The following SS18 variants were observed in gnomAD, a reference collection of about 807,000 sequenced individuals.
The protein encoded by SS18 is protein SSXT.
SS18 carries 28 observed loss-of-function variants against 72.5 expected under a neutral mutation model. The ratio of observed to expected loss-of-function variants is 0.39; its 90% confidence interval spans 0.29 to 0.53. The LOEUF (loss-of-function observed/expected upper bound fraction) is 0.53. SS18 is among the 20% of genes least tolerant of loss of function. SS18 has a pLI of 0.76. For synonymous variants in SS18, 172 were observed against 164.2 expected, an observed-to-expected ratio of 1.05 and a Z score of -0.37; for missense variants, 518 against 535.3, an observed-to-expected ratio of 0.97 and a Z score of 0.32.
intron 1 of SS18, 152 bp from the exon 2 acceptor site, chr18:26,087,729 A>G (rs2054641541): frequency 4.5e-6 from 2 of 444,428 alleles, no homozygotes. Flanking sequence ...CCTGCAAACA[A>G]TCATTACTAT....
chr18:26,035,748 TGG>T lies in SS18; in HGVS notation c.973+81_973+82del. 1 of 869,916 alleles carries T rather than the reference TGG, an allele frequency of 1.1e-6. No homozygotes were observed. The highest frequency in any genetic ancestry group is 1.7e-6 in the Non-Finnish European group (1 of 582,760). The allele number at this position is 869,916 out of a possible 1,614,324, so 53.9% of individuals were successfully genotyped here. The stretch of plus-strand genomic sequence containing the variant: ...ACTAGTATTCTACAAGAGCTTTGCA[TGG>T]GTAGAAGTTGTCTTATGCAAGAATT... On this transcript the variant is annotated intron_variant, in intron 8 of 10. Coordinates refer to ENST00000415083, the MANE Select transcript of SS18 (RefSeq NM_001007559.3). The surrounding 1 kb of genome is among the most constrained non-coding windows in gnomAD (Gnocchi z 4.4).
chr18:26,035,912 A>T lies in SS18; in HGVS notation c.892T>A (p.Tyr298Asn), dbSNP rs539197438. ...GGATACGACGGTTGCTGATAACCGT[A>T]ATCATTATGACCTACATCAATTCGA... ...QQYYPDGHND[Y>N]GYQQPSYPEQ... Residue 298 changes from tyrosine to asparagine, a missense_variant, in exon 8 of 11, where the codon TAC (tyrosine) becomes AAC (asparagine). Coordinates refer to ENST00000415083, the MANE Select transcript of SS18 (RefSeq NM_001007559.3). This position sits in a 1 kb window ranked among gnomAD's most constrained non-coding sequence, Gnocchi z 4.4. 2 of 1,597,220 alleles carry T rather than the reference A, an allele frequency of 1.3e-6. No homozygotes were observed. The highest frequency in any genetic ancestry group is 2.7e-5 in the African/African-American group (2 of 74,792).
chr18:26,080,332 CCTTTG>C, intron 2 of SS18: 1 of 985,340 alleles, frequency 1.0e-6, no homozygotes, highest in South Asian at 4.7e-5. Flanking sequence ...TTCAAGTTTT[CCTTTG>C]CTTGAGTATT....
chr18:26,059,622 C>CTACT (rs1178946331), intron 3 of SS18, among the ~76,000 whole-genome samples: 1 of 152,144 alleles, frequency 6.6e-6, no homozygotes, highest in Non-Finnish European at 1.5e-5. Context: ...GAAGGGCCAG[C>CTACT]TACTCCTTAA....
intron 3 of SS18, among the ~76,000 whole-genome samples, chr18:26,059,273 A>C (rs1251470279): frequency 6.6e-6 from 1 of 152,222 alleles, no homozygotes; most frequent in Non-Finnish European, 1.5e-5. Flanking sequence ...GAAGCATATA[A>C]GACCAGCTCC....
At chr18:26,053,035 G>A (rs2053950517) in intron 4 of SS18, among the ~76,000 whole-genome samples, 190 bp from the exon 5 acceptor site, 1 of 152,138 alleles carries the variant, frequency 6.6e-6, no homozygotes, top group Non-Finnish European at 1.5e-5. Flanking sequence ...TTTGGATTAA[G>A]AAATTGATGC....
chr18:26,021,223 G>A (rs564923333), intron 10 of SS18, among the ~76,000 whole-genome samples: 42 of 152,166 alleles, frequency 2.8e-4, no homozygotes, highest in Non-Finnish European at 5.9e-4. Context: ...TAGTGCTAAC[G>A]TCACCACTTA....
chr18:26,050,841 G>A lies in SS18; in HGVS notation c.607+1783C>T, dbSNP rs182574311. 1.3e-4 allele frequency among the ~76,000 whole-genome samples: 20 copies of A among 152,184 alleles called. No homozygotes were observed. The East Asian group carries it at 3.3e-3, about 25-fold the overall frequency. On this transcript the variant is annotated intron_variant, in intron 5 of 10. Coordinates refer to ENST00000415083, the MANE Select transcript of SS18 (RefSeq NM_001007559.3). The stretch of plus-strand genomic sequence containing the variant: ...GGAGAATGGTGTGAACCCGGGAGGC[G>A]GAGCTTGCAGAGAGCAGAGATTGTG...
intron 2 of SS18, chr18:26,080,217 AG>A (rs1421688166): frequency 5.7e-6 from 2 of 352,720 alleles, no homozygotes; most frequent in Admixed American, 6.4e-5. Context: ...TATTCTGTAG[AG>A]ATCTAGGAAG....
intron 2 of SS18, 176 bp from the exon 3 acceptor site, chr18:26,078,336 A>G: frequency 2.0e-6 from 1 of 505,550 alleles, no homozygotes; most frequent in Non-Finnish European, 3.5e-6. Context: ...TTTAAATATA[A>G]TGAGCTCAGA....
chr18:26,044,689 G>GA (rs1326498429), intron 5 of SS18, among the ~76,000 whole-genome samples: 1 of 151,834 alleles, frequency 6.6e-6, no homozygotes, highest in South Asian at 2.1e-4. Flanking sequence ...ACTAAAATCA[G>GA]AAAAAAATCA....
chr18:26,088,515 G>A (rs12954191), intron 1 of SS18, among the ~76,000 whole-genome samples: 8,394 of 152,226 alleles, frequency 0.055, 270 homozygotes, highest in East Asian at 0.12. Flanking sequence ...AAAAGTTTAA[G>A]AGGAAAAACA....
chr18:26,041,025 TAC>T (rs756277512), intron 5 of SS18, among the ~76,000 whole-genome samples: 1 of 152,212 alleles, frequency 6.6e-6, no homozygotes, highest in Non-Finnish European at 1.5e-5. Flanking sequence ...AAATCAAGAT[TAC>T]ACAGCTAATA....
intron 1 of SS18, among the ~76,000 whole-genome samples, 180 bp downstream of exon 1, chr18:26,090,321 T>A (rs2144212644): frequency 6.6e-6 from 1 of 151,382 alleles, no homozygotes; most frequent in East Asian, 1.9e-4. Flanking sequence ...GAAAAACCGG[T>A]TCACCCTCTT....
chr18:26,063,052 C>G (rs1365487263), intron 3 of SS18, among the ~76,000 whole-genome samples: 1 of 152,250 alleles, frequency 6.6e-6, no homozygotes, highest in Non-Finnish European at 1.5e-5. Flanking sequence ...AATCCAATAA[C>G]TGTTCAATAC....
At chr18:26,028,085 T>C (rs2053481897) in intron 10 of SS18, among the ~76,000 whole-genome samples, 1 of 152,012 alleles carries the variant, frequency 6.6e-6, no homozygotes, top group South Asian at 2.1e-4. Flanking sequence ...TACAAAGGCC[T>C]CTTAATACTC....
intron 10 of SS18, among the ~76,000 whole-genome samples, chr18:26,025,589 CAGATA>C (rs1439467349): frequency 6.6e-6 from 1 of 151,970 alleles, no homozygotes; most frequent in Non-Finnish European, 1.5e-5. Context: ...TTCAACAACA[CAGATA>C]AAATGGACAA....
chr18:26,068,387 A>C (rs1214396410), intron 3 of SS18: 1 of 152,232 alleles, frequency 6.6e-6, no homozygotes, highest in Non-Finnish European at 1.5e-5. Context: ...GGTAGAAGAC[A>C]GAAGTGACAG....
intron 3 of SS18, among the ~76,000 whole-genome samples, chr18:26,072,999 T>C (rs529735952): frequency 1.3e-4 from 20 of 152,130 alleles, no homozygotes; most frequent in East Asian, 9.7e-4. Flanking sequence ...CCTAACCTAA[T>C]AGACATATAT....
Sources: gnomAD v4.1 joint callset for allele counts (sites outside exome capture counted in the v4.1 genomes callset) on GRCh38, gnomAD v4.1.1 for gene constraint, Gnocchi (gnomAD v3.1) non-coding constraint, MANE v1.5 for transcripts, NCBI Gene and HGNC (gene_info 2026-07-23, HGNC 2026-07-21) for gene names.